Variants in DPP6 observed in about 807,000 individuals in gnomAD.
DPP6 encodes A-type potassium channel modulatory protein DPP6.
In DPP6, 69 loss-of-function variants were observed where a neutral mutation model predicts 122.6. That is an observed-to-expected ratio of 0.56 (90% CI 0.46 to 0.69). The LOEUF (loss-of-function observed/expected upper bound fraction) is 0.69, where lower values mean the gene tolerates loss of function less well. Ranked by LOEUF, DPP6 falls within the 30% of genes least tolerant of loss-of-function variation. DPP6 has a pLI of 0.00. For synonymous variants in DPP6, 418 were observed against 433.1 expected, an observed-to-expected ratio of 0.97 and a Z score of 0.43; for missense variants, 928 against 1,116.9, an observed-to-expected ratio of 0.83 and a Z score of 2.41.
intron 5 of DPP6, among the ~76,000 whole-genome samples, chr7:154,621,101 A>G (rs1042201086): frequency 6.6e-6 from 1 of 152,170 alleles, no homozygotes; most frequent in African/African-American, 2.4e-5. Flanking sequence ...CCTGTTTCCC[A>G]ATGCTAGTCA....
intron 1 of DPP6, among the ~76,000 whole-genome samples, chr7:154,317,495 C>T (rs959102111): frequency 6.6e-6 from 1 of 152,172 alleles, no homozygotes; most frequent in South Asian, 2.1e-4. Flanking sequence ...ATGGTGTATT[C>T]ATTGTCGAAA....
In DPP6 at chr7:154,833,142, C is replaced by T. The variant is rs1800761591; in HGVS notation, c.1667-20638C>T. On this transcript the variant is annotated intron_variant, in intron 16 of 25. Transcript: ENST00000377770. This position sits in a 1 kb window ranked among gnomAD's most constrained non-coding sequence, Gnocchi z 4.3. ...TGCTGAGACCTCTGCTAAGTGGAGGCATCTCACTCACGCCATGCAAGCAGC... is the reference window on the plus strand; with the variant it reads ...TGCTGAGACCTCTGCTAAGTGGAGGTATCTCACTCACGCCATGCAAGCAGC... Among the ~76,000 whole-genome samples, 3 of 152,012 alleles carry T rather than the reference C, an allele frequency of 2.0e-5. No homozygotes were observed.
At chr7:153,916,628 C>T (rs1295168953) in intron 1 of DPP6, among the ~76,000 whole-genome samples, 1 of 151,328 alleles carries the variant, frequency 6.6e-6, no homozygotes, top group Admixed American at 6.6e-5. Context: ...AGGCTGGTCT[C>T]GAACTCCTGA....
chr7:154,525,813 C>G (rs911276656), intron 3 of DPP6, among the ~76,000 whole-genome samples: 2 of 151,580 alleles, frequency 1.3e-5, no homozygotes, highest in Admixed American at 6.6e-5. Context: ...AAACACCTAC[C>G]TTTTCTAAGC....
intron 12 of DPP6, among the ~76,000 whole-genome samples, chr7:154,799,084 G>A (rs1798201783): frequency 6.6e-6 from 1 of 152,182 alleles, no homozygotes. Flanking sequence ...CTGGCATCTG[G>A]AAGGTCCTGC....
rs114036421 is a variant in DPP6, at chr7:154,727,995, C to A, written c.883+108C>A. 3.9e-4 allele frequency: 578 copies of A among 1,478,338 alleles called. 5 individuals are homozygous for A. The African/African-American group carries it at 6.6e-3, about 17-fold the overall frequency. The allele number at this position is 1,478,338 out of a possible 1,614,324, so 91.6% of individuals were successfully genotyped here. On this transcript the variant is annotated intron_variant, in intron 8 of 25. Transcript: ENST00000377770. ...TTTGACTTTAACTGTAAATTAAACT[C>A]CAGTTTCTTGAGGTTCTGCAAAATT...
intron 8 of DPP6, among the ~76,000 whole-genome samples, chr7:154,757,923 C>T (rs2131497222): frequency 6.6e-6 from 1 of 152,276 alleles, no homozygotes; most frequent in Admixed American, 6.5e-5. Context: ...GGAGGCCAGC[C>T]CAAGGAGGGG....
At chr7:153,908,815 G>A (rs564726181) in intron 1 of DPP6, among the ~76,000 whole-genome samples, 104 of 152,194 alleles carry the variant, frequency 6.8e-4, no homozygotes, top group African/African-American at 2.5e-3. Context: ...AGTCAGTGGT[G>A]CAATCTTGGC....
chr7:154,072,668 T>G (rs1468399663), intron 1 of DPP6, among the ~76,000 whole-genome samples: 2 of 152,296 alleles, frequency 1.3e-5, no homozygotes, highest in Non-Finnish European at 2.9e-5. Context: ...TGTTTTTCAT[T>G]GCACACCAAG....
intron 5 of DPP6, among the ~76,000 whole-genome samples, chr7:154,581,243 GGTTA>G (rs1462587443): frequency 1.3e-5 from 2 of 152,168 alleles, no homozygotes; most frequent in African/African-American, 2.4e-5. Context: ...AGAAGGCAGA[GGTTA>G]GTTGTTTGAT....
At position 153,959,204 on chromosome 7, in the gene DPP6, G is replaced by A. The variant is rs1259582313; in HGVS notation, c.51+71470G>A. 2.6e-5 allele frequency among the ~76,000 whole-genome samples: 4 copies of A among 151,872 alleles called. No homozygotes were observed. In the East Asian group the frequency reaches 7.8e-4, roughly 30 times the overall value. ...GTTGTATAAATAGCAGGGAAGGCTG[G>A]GGCTTCTGACTTCAGCACCACAGAA... On this transcript the variant is annotated intron_variant, in intron 1 of 25. Coordinates refer to the DPP6 transcript ENST00000404039.
At chr7:153,923,133 G>A (rs755772165) in intron 1 of DPP6, among the ~76,000 whole-genome samples, 6 of 152,214 alleles carry the variant, frequency 3.9e-5, no homozygotes, top group East Asian at 1.9e-4. Context: ...GGCAGTGGGC[G>A]TCCTAGCGGG....
At chr7:154,340,436 A>G (rs1294128458) in intron 1 of DPP6, among the ~76,000 whole-genome samples, 1 of 152,190 alleles carries the variant, frequency 6.6e-6, no homozygotes, top group Non-Finnish European at 1.5e-5. Context: ...CTTTCAGCAC[A>G]TTGCTGTGTG....
At chr7:154,295,392 C>G (rs1345920247) in intron 1 of DPP6, among the ~76,000 whole-genome samples, 1 of 152,240 alleles carries the variant, frequency 6.6e-6, no homozygotes, top group African/African-American at 2.4e-5. Flanking sequence ...GACAACTTAT[C>G]CATTTCCTCT....
chr7:154,687,431 G>C (rs983195172), intron 7 of DPP6, among the ~76,000 whole-genome samples: 1 of 152,184 alleles, frequency 6.6e-6, no homozygotes, highest in African/African-American at 2.4e-5. Context: ...TTTGCTGTGT[G>C]TATATTTCAT....
intron 5 of DPP6, among the ~76,000 whole-genome samples, chr7:154,609,197 G>A (rs960455517): frequency 2.0e-5 from 3 of 152,160 alleles, no homozygotes; most frequent in Non-Finnish European, 2.9e-5. Context: ...GTTTCGTTAT[G>A]TTGTATCCAT....
chr7:154,294,586 A>G (rs1208585395), intron 1 of DPP6, among the ~76,000 whole-genome samples: 1 of 152,126 alleles, frequency 6.6e-6, no homozygotes, highest in African/African-American at 2.4e-5. Context: ...TTTGGGGGAT[A>G]TTTTACATAA....
intron 21 of DPP6, chr7:154,883,777 TCA>T (rs1376489480): frequency 2.4e-4 from 33 of 138,710 alleles, no homozygotes; most frequent in African/African-American, 7.8e-4. Flanking sequence ...ACACACATGC[TCA>T]CACAATTACA....
the DPP6 span, among the ~76,000 whole-genome samples, chr7:153,819,922 T>C: frequency 6.6e-6 from 1 of 152,212 alleles, no homozygotes; most frequent in African/African-American, 2.4e-5. Flanking sequence ...GCTTTTATTC[T>C]CCTGTTGTTG....
Sources: allele counts gnomAD v4.1 joint callset (sites outside exome capture counted in the v4.1 genomes callset), GRCh38; gene constraint gnomAD v4.1.1; non-coding constraint Gnocchi (gnomAD v3.1); transcripts MANE v1.5; gene names NCBI Gene and HGNC (gene_info 2026-07-23, HGNC 2026-07-21).